The following TMOD1 variants were observed in gnomAD, a reference collection of about 807,000 sequenced individuals.
TMOD1 encodes tropomodulin 1.
TMOD1 carries 17 observed loss-of-function variants against 40.6 expected under a neutral mutation model. The ratio of observed to expected loss-of-function variants is 0.42; its 90% confidence interval spans 0.29 to 0.63. The LOEUF (loss-of-function observed/expected upper bound fraction) is 0.63. Among genes scored for constraint, TMOD1 ranks in the 20% least tolerant of loss-of-function variants. The pLI, the probability that TMOD1 is intolerant of heterozygous loss-of-function variation, is 0.22. For synonymous variants in TMOD1, 181 were observed against 175.0 expected (o/e 1.03, Z -0.27); for missense variants, 391 against 447.6 (o/e 0.87, Z 1.14).
chr9:97,517,364 AAGAGCTTTGTCAGGCTC>A (rs1476699529), intron 1 of TMOD1, among the ~76,000 whole-genome samples: 1 of 152,082 alleles, frequency 6.6e-6, no homozygotes, highest in Non-Finnish European at 1.5e-5. Flanking sequence ...AAATAAGAGA[AAGAGCTTTGTCAGGCTC>A]AGGCTGGCCC....
chr9:97,539,883 G>A (rs1830248167), intron 2 of TMOD1, among the ~76,000 whole-genome samples: 1 of 148,100 alleles, frequency 6.8e-6, no homozygotes, highest in Non-Finnish European at 1.5e-5. Context: ...GGAGAATGGC[G>A]TGAACCTGGA....
At chr9:97,509,246 G>A (rs1279948026) in intron 1 of TMOD1, among the ~76,000 whole-genome samples, 1 of 152,138 alleles carries the variant, frequency 6.6e-6, no homozygotes, top group Non-Finnish European at 1.5e-5. Flanking sequence ...CTGTAAAATG[G>A]GGATAATAAA....
intron 1 of TMOD1, chr9:97,516,488 T>A (rs1829812048): frequency 6.5e-6 from 1 of 152,820 alleles, no homozygotes; most frequent in Non-Finnish European, 1.5e-5. Flanking sequence ...TGGGAAGCAG[T>A]TGGAGCTTAG....
At position 97,599,663 on chromosome 9, in the gene TMOD1, G is replaced by A. The variant is rs1052253860; in HGVS notation, c.1045G>A (p.Gly349Arg). 6 of 1,614,076 alleles carry A rather than the reference G, an allele frequency of 3.7e-6. No individual in the cohort carries two copies. The South Asian group carries it at 5.5e-5, about 15-fold the overall frequency. ...VRKRRLADLT[G>R]PIIPKCRSGV ...GAAGAGGAGGCTTGCGGACCTGACTGGGCCCATCATTCCCAAGTGCCGGAG... is the reference window on the plus strand; with the variant it reads ...GAAGAGGAGGCTTGCGGACCTGACTAGGCCCATCATTCCCAAGTGCCGGAG... The change falls in exon 10 of 10, where the codon GGG becomes AGG. Residue 349 changes from glycine to arginine, a missense_variant. Gly to Arg is a moderately radical substitution (Grantham distance 125). Transcript: ENST00000259365.
At chr9:97,527,826 A>G (rs1413928504) in intron 2 of TMOD1, among the ~76,000 whole-genome samples, 2 of 152,206 alleles carry the variant, frequency 1.3e-5, no homozygotes. Context: ...AATCTCTGCC[A>G]TTCCCAGGGA....
intron 8 of TMOD1, among the ~76,000 whole-genome samples, chr9:97,579,546 A>C (rs1022170913): frequency 6.6e-6 from 1 of 152,198 alleles, no homozygotes; most frequent in Non-Finnish European, 1.5e-5. Context: ...TCAGCTTCCC[A>C]GAGTGCTGGG....
chr9:97,545,617 C>T (rs1252331403), intron 2 of TMOD1, among the ~76,000 whole-genome samples: 1 of 152,200 alleles, frequency 6.6e-6, no homozygotes, highest in Non-Finnish European at 1.5e-5. Context: ...ATGCCCCGTC[C>T]TCCTCTTAGC....
intron 8 of TMOD1, 80 bp from the exon 9 acceptor site, chr9:97,591,211 A>G (rs1262338498): frequency 3.6e-6 from 5 of 1,408,380 alleles, no homozygotes; most frequent in African/African-American, 2.9e-5. Context: ...GAGTTTCTGC[A>G]GGTAGAGGTG....
chr9:97,592,427 T>C (rs374849960), intron 9 of TMOD1, among the ~76,000 whole-genome samples: 372 of 114,306 alleles, frequency 3.3e-3, no homozygotes, highest in Non-Finnish European at 5.7e-3. Context: ...CATAATGAGT[T>C]TGAAAAAAAA....
At chr9:97,529,311 A>G (rs1039180065) in intron 2 of TMOD1, among the ~76,000 whole-genome samples, 24 of 152,130 alleles carry the variant, frequency 1.6e-4, no homozygotes, top group African/African-American at 5.6e-4. Flanking sequence ...TGTAAAATGG[A>G]TACAGTCGGC....
At chr9:97,533,833 T>C (rs1373838275) in intron 2 of TMOD1, among the ~76,000 whole-genome samples, 1 of 152,146 alleles carries the variant, frequency 6.6e-6, no homozygotes, top group Non-Finnish European at 1.5e-5. Context: ...CTCAGAATAA[T>C]GTGATTTGTG....
intron 1 of TMOD1, among the ~76,000 whole-genome samples, chr9:97,514,364 C>T (rs909287267): frequency 3.3e-5 from 5 of 151,582 alleles, no homozygotes; most frequent in African/African-American, 7.3e-5. Flanking sequence ...GTGATCCGTC[C>T]GCCTTGGCCT....
At chr9:97,576,050 C>T (rs1487693246) in intron 8 of TMOD1, among the ~76,000 whole-genome samples, 1 of 152,040 alleles carries the variant, frequency 6.6e-6, no homozygotes, top group African/African-American at 2.4e-5. Context: ...CAGAAGTAAC[C>T]TAAATATCCA....
intron 8 of TMOD1, among the ~76,000 whole-genome samples, chr9:97,585,703 T>A (rs1252539614): frequency 8.2e-6 from 1 of 122,278 alleles, no homozygotes; most frequent in Non-Finnish European, 1.7e-5. Flanking sequence ...TTTGCTCATT[T>A]CTTTTTATTC....
At chr9:97,566,067 A>C in intron 7 of TMOD1, 112 bp downstream of exon 7, 2 of 871,402 alleles carry the variant, frequency 2.3e-6, no homozygotes, top group Non-Finnish European at 3.6e-6. Flanking sequence ...TCTATGTGGT[A>C]CAGTGGAAGG....
chr9:97,558,007 C>T (rs993719734), intron 4 of TMOD1, among the ~76,000 whole-genome samples: 1 of 152,168 alleles, frequency 6.6e-6, no homozygotes, highest in Non-Finnish European at 1.5e-5. Flanking sequence ...TGGCACAAAA[C>T]CAAGTGAGAG....
At chr9:97,565,484 G>A (rs1830712748) in intron 6 of TMOD1, among the ~76,000 whole-genome samples, 1 of 152,022 alleles carries the variant, frequency 6.6e-6, no homozygotes, top group Admixed American at 6.6e-5. Flanking sequence ...GAGACACCTA[G>A]CAAGTCAGGA....
intron 3 of TMOD1, among the ~76,000 whole-genome samples, chr9:97,551,931 C>T (rs1293528433): frequency 6.6e-6 from 1 of 152,040 alleles, no homozygotes; most frequent in African/African-American, 2.4e-5. Context: ...AAGTTTTATT[C>T]TTTGGATGTA....
chr9:97,559,708 C>T (rs1199940217), intron 4 of TMOD1, among the ~76,000 whole-genome samples: 5 of 144,154 alleles, frequency 3.5e-5, no homozygotes, highest in African/African-American at 7.8e-5. Flanking sequence ...GAGGTTGCAG[C>T]GAGCCAAGAT....
Sources: allele counts gnomAD v4.1 joint callset (sites outside exome capture counted in the v4.1 genomes callset), GRCh38; gene constraint gnomAD v4.1.1; transcripts MANE v1.5; gene names NCBI Gene and HGNC (gene_info 2026-07-23, HGNC 2026-07-21).